The following PRKG1 variants were observed in gnomAD, a reference collection of about 807,000 sequenced individuals.
PRKG1 encodes the protein protein kinase cGMP-dependent 1, also known as cGMP-dependent protein kinase 1.
A neutral mutation model predicts 88.1 loss-of-function variants in PRKG1; 35 were observed. The observed-to-expected ratio is 0.40, with a 90% CI of 0.30 to 0.53. PRKG1 has a LOEUF of 0.53. Among genes scored for constraint, PRKG1 ranks in the 20% least tolerant of loss-of-function variants. The pLI is 0.59. For missense variants in PRKG1, 540 were observed against 839.8 expected, an observed-to-expected ratio of 0.64 and a Z score of 4.41; for synonymous variants, 303 against 292.5, an observed-to-expected ratio of 1.04 and a Z score of -0.37.
intron 3 of PRKG1, among the ~76,000 whole-genome samples, chr10:51,503,675 G>A (rs538087209): frequency 3.3e-5 from 5 of 152,194 alleles, no homozygotes; most frequent in Admixed American, 1.3e-4. Context: ...ACGTCAATCA[G>A]TCCTCTAATT....
chr10:51,645,558 A>T (rs931862817), intron 3 of PRKG1, among the ~76,000 whole-genome samples: 3 of 152,216 alleles, frequency 2.0e-5, no homozygotes, highest in Admixed American at 6.5e-5. Flanking sequence ...TTCTAATTAG[A>T]GTGTGAAATC....
chr10:52,074,838 A>G (rs535783620), intron 7 of PRKG1, among the ~76,000 whole-genome samples: 5 of 152,316 alleles, frequency 3.3e-5, no homozygotes, highest in Non-Finnish European at 5.9e-5. Flanking sequence ...ATTTGAGTGT[A>G]ACATTACTCA....
chr10:51,593,320 A>C (rs1277060443), intron 3 of PRKG1, among the ~76,000 whole-genome samples: 2 of 152,206 alleles, frequency 1.3e-5, no homozygotes, highest in Non-Finnish European at 2.9e-5. Flanking sequence ...AAAACAAAAA[A>C]CAAAAAACTA....
intron 1 of PRKG1, among the ~76,000 whole-genome samples, chr10:51,094,674 A>G (rs1844486998): frequency 6.6e-6 from 1 of 152,024 alleles, no homozygotes; most frequent in South Asian, 2.1e-4. Context: ...AGCAAAACAT[A>G]TGGATATTTA....
intron 2 of PRKG1, among the ~76,000 whole-genome samples, chr10:51,272,075 A>G (rs1204759941): frequency 1.3e-5 from 2 of 152,190 alleles, no homozygotes; most frequent in African/African-American, 4.8e-5. Context: ...CTTCTCCAGT[A>G]TCTGTTGTTT....
At chr10:51,303,020 A>G (rs567124320) in intron 2 of PRKG1, among the ~76,000 whole-genome samples, 1 of 152,170 alleles carries the variant, frequency 6.6e-6, no homozygotes, top group Non-Finnish European at 1.5e-5. Flanking sequence ...AAAGAAGGGA[A>G]TAAAGTAAGC....
intron 2 of PRKG1, among the ~76,000 whole-genome samples, chr10:51,304,549 T>A (rs1008444197): frequency 2.0e-5 from 3 of 151,592 alleles, no homozygotes; most frequent in Non-Finnish European, 4.4e-5. Context: ...TAGTTACATA[T>A]GTATACATGT....
intron 3 of PRKG1, among the ~76,000 whole-genome samples, chr10:51,598,756 A>G (rs1204476262): frequency 6.6e-6 from 1 of 152,240 alleles, no homozygotes; most frequent in African/African-American, 2.4e-5. Flanking sequence ...ATTGATTGAG[A>G]AAAAATGTGG....
intron 4 of PRKG1, among the ~76,000 whole-genome samples, chr10:51,851,816 T>C (rs1054333026): frequency 6.6e-6 from 1 of 152,166 alleles, no homozygotes; most frequent in African/African-American, 2.4e-5. Flanking sequence ...GCTACACAGA[T>C]ACCAAGGTTG....
At chr10:51,230,139 A>G (rs1474960115) in intron 2 of PRKG1, among the ~76,000 whole-genome samples, 1 of 152,148 alleles carries the variant, frequency 6.6e-6, no homozygotes, top group Admixed American at 6.5e-5. Flanking sequence ...TAAATGAAAG[A>G]ACATTTATTC....
chr10:51,451,349 A>G lies in PRKG1; in HGVS notation c.479-16374A>G, dbSNP rs147812905. ...ACGTGATTTGTTACTGTTGTTTGTT[A>G]CCACACTTCAACTAGAGGTTAGTAA... On this transcript the variant is annotated intron_variant, in intron 2 of 17. Transcript: ENST00000373980. 6.8e-4 allele frequency among the ~76,000 whole-genome samples: 103 copies of G among 151,816 alleles called. 1 individual carries two copies. The highest frequency in any genetic ancestry group is 1.4e-3 in the Non-Finnish European group (94 of 67,820).
chr10:51,213,995 GA>G (rs1239197491), intron 2 of PRKG1, among the ~76,000 whole-genome samples: 1 of 151,818 alleles, frequency 6.6e-6, no homozygotes, highest in Non-Finnish European at 1.5e-5. Flanking sequence ...TAAACAAAAA[GA>G]AAAAAACATA....
At chr10:51,754,937 T>C (rs1395967467) in intron 3 of PRKG1, among the ~76,000 whole-genome samples, 2 of 151,156 alleles carry the variant, frequency 1.3e-5, no homozygotes, top group Non-Finnish European at 2.9e-5. Context: ...ACAGGCACTG[T>C]CAACTATGAG....
chr10:51,051,195 T>C (rs1843556184), intron 1 of PRKG1, among the ~76,000 whole-genome samples: 1 of 152,174 alleles, frequency 6.6e-6, no homozygotes, highest in Admixed American at 6.5e-5. Context: ...TTTGTTTTTG[T>C]TGCCTGTGCT....
intron 5 of PRKG1, among the ~76,000 whole-genome samples, chr10:51,965,823 C>G (rs1317766658): frequency 6.6e-6 from 1 of 152,012 alleles, no homozygotes; most frequent in East Asian, 1.9e-4. Flanking sequence ...AATATTTTGT[C>G]AAAAATGGTG....
intron 3 of PRKG1, among the ~76,000 whole-genome samples, chr10:51,591,400 C>A (rs1025149803): frequency 1.3e-5 from 2 of 152,084 alleles, no homozygotes; most frequent in African/African-American, 4.8e-5. Context: ...TGTCATTAGA[C>A]AAAATAAAAA....
chr10:51,651,323 GTCC>G, intron 3 of PRKG1, among the ~76,000 whole-genome samples: 1 of 152,100 alleles, frequency 6.6e-6, no homozygotes. Context: ...AAATGACTCA[GTCC>G]TCCTCTGACA....
At chr10:51,831,205 C>G (rs1839998347) in intron 4 of PRKG1, among the ~76,000 whole-genome samples, 2 of 152,072 alleles carry the variant, frequency 1.3e-5, no homozygotes, top group Admixed American at 1.3e-4. Flanking sequence ...ATCCAGAGTA[C>G]TTTTACAATT....
At chr10:52,023,892 G>C (rs1845256366) in intron 5 of PRKG1, among the ~76,000 whole-genome samples, 1 of 152,110 alleles carries the variant, frequency 6.6e-6, no homozygotes, top group Admixed American at 6.5e-5. Flanking sequence ...AGTTTCTTTT[G>C]CTGTGCAGAA....
Sources: gnomAD v4.1 joint callset for allele counts (sites outside exome capture counted in the v4.1 genomes callset) on GRCh38, gnomAD v4.1.1 for gene constraint, MANE v1.5 for transcripts, NCBI Gene and HGNC (gene_info 2026-07-23, HGNC 2026-07-21) for gene names.